Variants in ATP6V1H observed in about 807,000 individuals in gnomAD.
ATP6V1H encodes the protein V-type proton ATPase subunit H.
Under a neutral mutation model 71.7 loss-of-function variants are expected in ATP6V1H, and 39 were observed. That is an observed-to-expected ratio of 0.54 (90% CI 0.42 to 0.71). The LOEUF is 0.71. Ranked by LOEUF, ATP6V1H falls within the 30% of genes least tolerant of loss-of-function variation. The pLI, the probability that ATP6V1H is intolerant of heterozygous loss-of-function variation, is 0.00. For missense variants in ATP6V1H, 509 were observed against 594.9 expected, an observed-to-expected ratio of 0.86 and a Z score of 1.50; for synonymous variants, 192 against 199.3, an observed-to-expected ratio of 0.96 and a Z score of 0.31.
chr8:53,750,080 T>C (rs1400564566), intron 12 of ATP6V1H, among the ~76,000 whole-genome samples: 1 of 152,218 alleles, frequency 6.6e-6, no homozygotes, highest in African/African-American at 2.4e-5. Flanking sequence ...ATATTAAAGG[T>C]TACAAGTCCA....
intron 9 of ATP6V1H, among the ~76,000 whole-genome samples, chr8:53,772,564 T>G (rs1000041457): frequency 1.3e-5 from 2 of 152,068 alleles, no homozygotes; most frequent in African/African-American, 4.8e-5. Context: ...CAAGCCAAGT[T>G]CTCCAGTTCC....
intron 9 of ATP6V1H, among the ~76,000 whole-genome samples, chr8:53,779,473 C>T (rs1809018184): frequency 6.6e-6 from 1 of 150,680 alleles, no homozygotes; most frequent in African/African-American, 2.4e-5. Flanking sequence ...ACATGCTTGT[C>T]TCCTTTACTA....
At chr8:53,829,810 G>A (rs971161964) in intron 3 of ATP6V1H, among the ~76,000 whole-genome samples, 3 of 152,082 alleles carry the variant, frequency 2.0e-5, no homozygotes, top group Non-Finnish European at 4.4e-5. Flanking sequence ...CTTGATTACC[G>A]ACGACGGCAT....
At chr8:53,783,089 A>G (rs1480044519) in intron 9 of ATP6V1H, among the ~76,000 whole-genome samples, 3 of 151,836 alleles carry the variant, frequency 2.0e-5, no homozygotes, top group East Asian at 1.9e-4. Context: ...CTCTTTTTCT[A>G]TTGATTGGAA....
intron 11 of ATP6V1H, among the ~76,000 whole-genome samples, chr8:53,766,886 C>T (rs2130301359): frequency 6.6e-6 from 1 of 152,262 alleles, no homozygotes; most frequent in South Asian, 2.1e-4. Flanking sequence ...TCGCCTTAGT[C>T]CTGTGGTCCT....
At chr8:53,767,880 G>A (rs981199384) in intron 11 of ATP6V1H, among the ~76,000 whole-genome samples, 1 of 152,212 alleles carries the variant, frequency 6.6e-6, no homozygotes, top group Non-Finnish European at 1.5e-5. Flanking sequence ...AAACATGGGA[G>A]TAAATCAGTT....
At chr8:53,771,561 ATACATTATT>A (rs1180593534) in intron 10 of ATP6V1H, among the ~76,000 whole-genome samples, 1 of 152,184 alleles carries the variant, frequency 6.6e-6, no homozygotes, top group Non-Finnish European at 1.5e-5. Context: ...TTTACTGTAC[ATACATTATT>A]TACATTATTT....
chr8:53,767,327 T>C (rs1198448518), intron 11 of ATP6V1H, among the ~76,000 whole-genome samples: 2 of 152,268 alleles, frequency 1.3e-5, no homozygotes, highest in South Asian at 2.1e-4. Context: ...TTGGTGGAGG[T>C]AGAGGTAGCA....
intron 13 of ATP6V1H, among the ~76,000 whole-genome samples, chr8:53,719,775 T>A (rs1806552501): frequency 3.3e-5 from 5 of 152,242 alleles, no homozygotes. Context: ...GAAAACTTCA[T>A]TAACTTGCCC....
chr8:53,772,122 C>A lies in ATP6V1H; in HGVS notation c.916G>T (p.Ala306Ser). ...ACTTTGCACTGAATCATAGCCAGGG[C>A]ATATTCTTGGCGAGTTTCTCTTTCA... ...STERETRQEY[A>S]LAMIQCKVLK... is the part of the protein sequence containing the mutation. The change falls in exon 10 of 14, where the codon GCC becomes TCC. Residue 306 changes from alanine (A) to serine (S), a missense_variant. Physicochemically the swap from Ala to Ser is moderately conservative, Grantham distance 99. Around this residue, in one of 2 missense-constraint regions of ATP6V1H, gnomAD observed 212 missense variants for 291.6 expected, o/e 0.73. Transcript: ENST00000359530. 6.2e-7 allele frequency: 1 copy of A among 1,613,744 alleles called. No individual in the cohort carries two copies. The highest frequency in any genetic ancestry group is 8.5e-7 in the Non-Finnish European group (1 of 1,179,934).
rs1452895464 is a variant in ATP6V1H, at chr8:53,715,615, G to A, written c.*349C>T. On this transcript the variant is annotated 3_prime_UTR_variant, in exon 14 of 14. Coordinates refer to ENST00000359530, the MANE Select transcript of ATP6V1H (RefSeq NM_015941.4). ...TGCAACAATTCTCCCAATTTGGTTT[G>A]AAAAGAGACAACAGTTGACTTTTGT... is the stretch of plus-strand genomic sequence containing the variant. The A allele has an allele frequency of 4.8e-6, 1 of 206,586 alleles. No individual in the cohort carries two copies. Among genetic ancestry groups the A allele is most frequent in the Non-Finnish European group, 9.6e-6 (1 of 104,596 alleles). 12.8% of individuals were successfully genotyped at this position (206,586 alleles called of 1,614,324 possible).
chr8:53,750,614 A>G (rs952019841), intron 12 of ATP6V1H, among the ~76,000 whole-genome samples: 3 of 152,204 alleles, frequency 2.0e-5, no homozygotes, highest in Non-Finnish European at 2.9e-5. Flanking sequence ...CATCTCCAGA[A>G]TATTTTTGTT....
At chr8:53,729,866 G>A (rs575669236) in intron 13 of ATP6V1H, among the ~76,000 whole-genome samples, 1 of 152,232 alleles carries the variant, frequency 6.6e-6, no homozygotes, top group East Asian at 1.9e-4. Flanking sequence ...CTCCCACTCT[G>A]GCTTCACTCA....
Position 53,755,010 on chromosome 8 carries a change from C to G in ATP6V1H, c.1277+1545G>C, listed in dbSNP as rs139035197. Reference sequence around the variant, plus strand: ...GGGGGTGCAGGGGCTACCATTATCTCTTCTGTTCCCAATAAATTTTTCAGT... The same window carrying G: ...GGGGGTGCAGGGGCTACCATTATCTGTTCTGTTCCCAATAAATTTTTCAGT... On this transcript the variant is annotated intron_variant, in intron 12 of 13. Transcript: ENST00000359530. 8.2e-3 allele frequency among the ~76,000 whole-genome samples: 1,242 copies of G among 152,286 alleles called. 2 individuals carry two copies. The highest frequency in any genetic ancestry group is 0.015 in the South Asian group (74 of 4,826).
At chr8:53,791,816 C>T (rs888245781) in intron 9 of ATP6V1H, among the ~76,000 whole-genome samples, 2 of 152,122 alleles carry the variant, frequency 1.3e-5, no homozygotes, top group South Asian at 2.1e-4. Context: ...TTATTCACGT[C>T]GACTGTCTTC....
chr8:53,772,294 G>A (rs748552598), intron 9 of ATP6V1H, 127 bp from the exon 10 acceptor site: 62 of 709,302 alleles, frequency 8.7e-5, no homozygotes, highest in Non-Finnish European at 1.3e-4. Context: ...ACCTTTAAGT[G>A]GATGACTCTA....
chr8:53,828,332 G>A (rs916000386), intron 4 of ATP6V1H, among the ~76,000 whole-genome samples: 9 of 152,204 alleles, frequency 5.9e-5, no homozygotes, highest in Non-Finnish European at 1.2e-4. Context: ...CATACGGAAA[G>A]GAGAGACAAA....
At chr8:53,797,573 A>G (rs1809781795) in intron 8 of ATP6V1H, among the ~76,000 whole-genome samples, 1 of 152,084 alleles carries the variant, frequency 6.6e-6, no homozygotes, top group South Asian at 2.1e-4. Context: ...CCCTCCTCCA[A>G]GCATGCAAAT....
chr8:53,753,694 C>T (rs902264937), intron 12 of ATP6V1H, among the ~76,000 whole-genome samples: 8 of 152,168 alleles, frequency 5.3e-5, no homozygotes, highest in South Asian at 4.1e-4. Context: ...ATATTTAACA[C>T]ATTTTAAATG....
Sources: gnomAD v4.1 joint callset for allele counts (sites outside exome capture counted in the v4.1 genomes callset) on GRCh38, gnomAD v4.1.1 for gene constraint, gnomAD v4.1.1 regional missense constraint, MANE v1.5 for transcripts, NCBI Gene and HGNC (gene_info 2026-07-23, HGNC 2026-07-21) for gene names.